The following HDAC9 variants were observed in gnomAD, a reference collection of about 807,000 sequenced individuals.
HDAC9 encodes histone deacetylase 9.
A neutral mutation model predicts 139.4 loss-of-function variants in HDAC9; 41 were observed. The ratio of observed to expected loss-of-function variants is 0.29; its 90% CI spans 0.23 to 0.38. HDAC9 has a LOEUF of 0.38. Ranked by LOEUF, HDAC9 falls within the 10% of genes least tolerant of loss-of-function variation. The pLI is 1.00. For synonymous variants in HDAC9, 517 were observed against 476.2 expected, an observed-to-expected ratio of 1.09 and a Z score of -1.12; for missense variants, 1,147 against 1,297.0, an observed-to-expected ratio of 0.88 and a Z score of 1.78.
chr7:18,744,292 T>C (rs1193634918), intron 13 of HDAC9, among the ~76,000 whole-genome samples: 1 of 152,084 alleles, frequency 6.6e-6, no homozygotes, highest in Non-Finnish European at 1.5e-5. Context: ...GCGCCCGGCC[T>C]TTACTACTAG....
chr7:18,465,974 A>G lies in HDAC9; in HGVS notation c.-41-30288A>G, dbSNP rs10223900. 9.5e-3 allele frequency among the ~76,000 whole-genome samples: 1,446 copies of G among 152,292 alleles called. 27 individuals carry two copies. The highest frequency in any genetic ancestry group is 0.033 in the African/African-American group (1,380 of 41,560). ...ATTATTTTACAGTTTTGTGATCTGGAAATTCAGTAAGGATCTCACCAGACT... is the reference window on the plus strand; with the variant it reads ...ATTATTTTACAGTTTTGTGATCTGGGAATTCAGTAAGGATCTCACCAGACT... On this transcript the variant is annotated intron_variant, in intron 1 of 3. Coordinates refer to the HDAC9 transcript ENST00000413509.
chr7:18,430,384 T>G (rs1790531793), intron 1 of HDAC9: 2 of 152,334 alleles, frequency 1.3e-5, no homozygotes, highest in Admixed American at 1.3e-4. Context: ...CTACAACACC[T>G]GGCTAATTTT....
chr7:18,183,199 C>T lies in HDAC9; in HGVS notation c.25+20850C>T, dbSNP rs193095995. The stretch of plus-strand genomic sequence containing the variant: ...TAATTTTTTGTATTTTTAGTAGAGA[C>T]GGGGTTTCACCGTGTTAGCCAGGAT... On this transcript the variant is annotated intron_variant, in intron 2 of 12. Transcript: ENST00000417496. 3.2e-3 allele frequency among the ~76,000 whole-genome samples: 479 copies of T among 150,326 alleles called. 2 individuals carry two copies. Among genetic ancestry groups the T allele is most frequent in the African/African-American group, 0.01 (415 of 39,814 alleles).
At chr7:18,338,551 A>G (rs1185278669) in intron 1 of HDAC9, among the ~76,000 whole-genome samples, 1 of 151,632 alleles carries the variant, frequency 6.6e-6, no homozygotes, top group African/African-American at 2.4e-5. Context: ...CTTCTACTGA[A>G]AAGTCATGTA....
At chr7:18,805,160 C>T (rs1793604711) in intron 17 of HDAC9, among the ~76,000 whole-genome samples, 1 of 152,162 alleles carries the variant, frequency 6.6e-6, no homozygotes, top group African/African-American at 2.4e-5. Flanking sequence ...CCTTCCTAAG[C>T]TTTGGTCCCA....
intron 2 of HDAC9, among the ~76,000 whole-genome samples, chr7:18,214,096 C>G (rs1040578697): frequency 2.0e-5 from 3 of 151,998 alleles, no homozygotes; most frequent in Non-Finnish European, 2.9e-5. Flanking sequence ...GCATTTAAGC[C>G]TCACTACAAC....
At chr7:18,313,808 A>G (rs1799469053) in intron 1 of HDAC9, among the ~76,000 whole-genome samples, 1 of 152,172 alleles carries the variant, frequency 6.6e-6, no homozygotes, top group African/African-American at 2.4e-5. Flanking sequence ...CACTGCCTCA[A>G]TTTATCCTTT....
At chr7:18,574,766 G>A (rs1028336911) in intron 2 of HDAC9, among the ~76,000 whole-genome samples, 2 of 152,242 alleles carry the variant, frequency 1.3e-5, no homozygotes, top group African/African-American at 4.8e-5. Flanking sequence ...GCCGGGTTGC[G>A]ACAGTGCCTG....
chr7:18,982,653 G>T (rs1785034817), intron 25 of HDAC9, among the ~76,000 whole-genome samples: 2 of 152,034 alleles, frequency 1.3e-5, no homozygotes, highest in South Asian at 4.1e-4. Flanking sequence ...ACTCCCTCCA[G>T]AGGTAACTAC....
At chr7:18,456,449 T>A (rs1793357029) in intron 1 of HDAC9, among the ~76,000 whole-genome samples, 1 of 152,158 alleles carries the variant, frequency 6.6e-6, no homozygotes, top group African/African-American at 2.4e-5. Context: ...CTGGCCAGGC[T>A]GATCTCGAAC....
At chr7:18,183,305 A>G (rs368819652) in intron 2 of HDAC9, among the ~76,000 whole-genome samples, 51 of 152,302 alleles carry the variant, frequency 3.3e-4, no homozygotes, top group South Asian at 4.1e-4. Flanking sequence ...CACGGCGCCC[A>G]GCCATGGTTT....
intron 14 of HDAC9, among the ~76,000 whole-genome samples, chr7:18,755,604 G>T (rs1472743619): frequency 6.6e-6 from 1 of 152,060 alleles, no homozygotes; most frequent in Non-Finnish European, 1.5e-5. Context: ...AGGGGGTTCA[G>T]TTGCATAAAG....
chr7:18,453,030 T>G (rs1404237416), intron 1 of HDAC9, among the ~76,000 whole-genome samples: 4 of 152,202 alleles, frequency 2.6e-5, no homozygotes, highest in Non-Finnish European at 5.9e-5. Context: ...ATTTTGCTTT[T>G]TTCTTATTCC....
chr7:18,204,314 A>G (rs1435727987), intron 2 of HDAC9, among the ~76,000 whole-genome samples: 1 of 148,090 alleles, frequency 6.8e-6, no homozygotes, highest in African/African-American at 2.5e-5. Flanking sequence ...GGCACCACAA[A>G]TACCTATTTG....
intron 21 of HDAC9, among the ~76,000 whole-genome samples, chr7:18,843,031 C>G (rs2129216977): frequency 6.6e-6 from 1 of 152,130 alleles, no homozygotes; most frequent in Non-Finnish European, 1.5e-5. Flanking sequence ...GTCGGATCAG[C>G]TATAAAAATT....
chr7:18,169,024 G>A lies in HDAC9; in HGVS notation c.25+6675G>A, dbSNP rs1324203803. 5.3e-5 allele frequency among the ~76,000 whole-genome samples: 8 copies of A among 151,198 alleles called. No individual in the cohort carries two copies. In the East Asian group the frequency reaches 1.2e-3, roughly 22 times the overall value. ...ATGATCTTGGCTCACTGCAACCTCC[G>A]CCTCTTGGGTTCAAGCAATTCTTCT... On this transcript the variant is annotated intron_variant, in intron 2 of 12. Coordinates refer to the HDAC9 transcript ENST00000417496.
chr7:18,262,708 T>C (rs188172806), intron 2 of HDAC9, among the ~76,000 whole-genome samples: 45 of 152,266 alleles, frequency 3.0e-4, no homozygotes, highest in Middle Eastern at 6.8e-3. Flanking sequence ...GTAATTTGTG[T>C]AACAATAACA....
At chr7:18,192,191 G>T (rs774011943) in intron 2 of HDAC9, among the ~76,000 whole-genome samples, 1 of 152,136 alleles carries the variant, frequency 6.6e-6, no homozygotes, top group Non-Finnish European at 1.5e-5. Flanking sequence ...TACTATTCTA[G>T]AAAGTTAATT....
chr7:18,198,859 C>T (rs1271876463), intron 2 of HDAC9, among the ~76,000 whole-genome samples: 1 of 152,134 alleles, frequency 6.6e-6, no homozygotes, highest in African/African-American at 2.4e-5. Context: ...CTAGCACTAA[C>T]AACCAACATT....
Sources: allele counts gnomAD v4.1 joint callset (sites outside exome capture counted in the v4.1 genomes callset), GRCh38; gene constraint gnomAD v4.1.1; transcripts MANE v1.5; gene names NCBI Gene and HGNC (gene_info 2026-07-23, HGNC 2026-07-21).